The following BRD10 variants were observed in gnomAD, a reference collection of about 807,000 sequenced individuals.
BRD10 encodes the protein uncharacterized bromodomain-containing protein 10.
At chr9:5,948,245 G>T in the BRD10 span, among the ~76,000 whole-genome samples, 1 of 152,132 alleles carries the variant, frequency 6.6e-6, no homozygotes, top group African/African-American at 2.4e-5. Flanking sequence ...CAGAGGTAAA[G>T]TGACCTAAGA....
At chr9:5,968,897 T>C in the BRD10 span, 1 of 1,613,038 alleles carries the variant, frequency 6.2e-7, no homozygotes, top group Non-Finnish European at 8.5e-7. Context: ...TACAGCATCT[T>C]GAACTTCCTT....
chr9:6,007,512 C>T, the BRD10 span: 150 of 1,610,208 alleles, frequency 9.3e-5, no homozygotes, highest in Non-Finnish European at 1.2e-4. Context: ...CCCGGTGCTT[C>T]TCCTGCAGGA....
the BRD10 span, among the ~76,000 whole-genome samples, chr9:5,991,170 G>GTC: frequency 2.6e-5 from 1 of 38,084 alleles, no homozygotes; most frequent in South Asian, 6.6e-4. Context: ...TGTGTTTTGT[G>GTC]TGTGTGTGTG....
the BRD10 span, among the ~76,000 whole-genome samples, chr9:5,991,344 T>C: frequency 6.6e-6 from 1 of 152,156 alleles, no homozygotes. Flanking sequence ...TCTAGACTAC[T>C]GCAGTTGCTT....
chr9:5,980,672 T>C, the BRD10 span, among the ~76,000 whole-genome samples: 1 of 151,482 alleles, frequency 6.6e-6, no homozygotes, highest in African/African-American at 2.4e-5. Context: ...ACACACAATG[T>C]ATATGTATAT....
chr9:5,943,405 T>C, the BRD10 span, among the ~76,000 whole-genome samples: 17 of 152,154 alleles, frequency 1.1e-4, no homozygotes, highest in Admixed American at 6.5e-5. Context: ...TTGGCAACTT[T>C]ATTTAACAGA....
chr9:5,911,590 A>G, the BRD10 span, among the ~76,000 whole-genome samples: 6 of 147,392 alleles, frequency 4.1e-5, no homozygotes, highest in African/African-American at 1.5e-4. Context: ...GGCGGAGTGC[A>G]GTGGCACATT....
the BRD10 span, among the ~76,000 whole-genome samples, chr9:5,955,028 T>C: frequency 6.6e-6 from 1 of 151,946 alleles, no homozygotes; most frequent in Non-Finnish European, 1.5e-5. Context: ...GTGGAGGTTG[T>C]AGTGAGCCAA....
At chr9:5,994,469 T>G in the BRD10 span, among the ~76,000 whole-genome samples, 1 of 152,186 alleles carries the variant, frequency 6.6e-6, no homozygotes, top group Non-Finnish European at 1.5e-5. Context: ...ACCATTAAAC[T>G]TACTTTCTAC....
At chr9:5,883,392 C>A in the BRD10 span, among the ~76,000 whole-genome samples, 1 of 151,644 alleles carries the variant, frequency 6.6e-6, no homozygotes, top group Non-Finnish European at 1.5e-5. Context: ...GTGGCAGCAA[C>A]CTGGAAGGTC....
chr9:5,920,651 G>C, the BRD10 span: 2 of 1,614,020 alleles, frequency 1.2e-6, no homozygotes, highest in Admixed American at 1.7e-5. Context: ...TGAAGTCCGA[G>C]ATTGTCTTTT....
At chr9:5,956,185 T>C in the BRD10 span, among the ~76,000 whole-genome samples, 2 of 152,242 alleles carry the variant, frequency 1.3e-5, no homozygotes, top group South Asian at 4.1e-4. Flanking sequence ...TCACCCTTGA[T>C]AGTCCCATGA....
chr9:5,922,326 T>G, the BRD10 span: 1 of 1,613,990 alleles, frequency 6.2e-7, no homozygotes, highest in Non-Finnish European at 8.5e-7. Context: ...GGTGAAGCAC[T>G]GGGCAAGGAG....
chr9:5,917,858 A>G, the BRD10 span, among the ~76,000 whole-genome samples: 4 of 152,214 alleles, frequency 2.6e-5, no homozygotes, highest in Non-Finnish European at 5.9e-5. Flanking sequence ...TCTCAAAAAA[A>G]AGAGAGAGAT....
At chr9:5,988,007 T>G in the BRD10 span, among the ~76,000 whole-genome samples, 1 of 152,136 alleles carries the variant, frequency 6.6e-6, no homozygotes, top group African/African-American at 2.4e-5. Context: ...TCTCTGGAGA[T>G]TCTCCTGATT....
the BRD10 span, chr9:6,007,779 C>A: frequency 6.4e-7 from 1 of 1,551,546 alleles, no homozygotes. Context: ...GCGTCCCGGG[C>A]ACACTCATGC....
At chr9:5,919,889 A>T in the BRD10 span, 1 of 1,613,974 alleles carries the variant, frequency 6.2e-7, no homozygotes, top group Non-Finnish European at 8.5e-7. Flanking sequence ...CAAATGAAAC[A>T]CTGAAGTGCT....
the BRD10 span, among the ~76,000 whole-genome samples, chr9:5,935,774 AT>A: frequency 6.6e-6 from 1 of 152,126 alleles, no homozygotes; most frequent in Non-Finnish European, 1.5e-5. Context: ...ACTTACTTTT[AT>A]TTTTTCATAT....
At chr9:5,901,281 G>T in the BRD10 span, among the ~76,000 whole-genome samples, 1 of 152,160 alleles carries the variant, frequency 6.6e-6, no homozygotes, top group Non-Finnish European at 1.5e-5. Context: ...GGTGAGACAG[G>T]ACATCCTTGC....
Sources: gnomAD v4.1 joint callset for allele counts (sites outside exome capture counted in the v4.1 genomes callset) on GRCh38, gnomAD v4.1.1 for gene constraint, MANE v1.5 for transcripts, NCBI Gene and HGNC (gene_info 2026-07-23, HGNC 2026-07-21) for gene names.